The following DENND1B variants were observed in gnomAD, a reference collection of about 807,000 sequenced individuals.
DENND1B encodes the protein DENN domain-containing protein 1B.
A neutral mutation model predicts 90.1 loss-of-function variants in DENND1B; 59 were observed. The observed-to-expected ratio is 0.65, with a 90% confidence interval of 0.53 to 0.81. The LOEUF is 0.81. Ranked by LOEUF, DENND1B falls within the 40% of genes least tolerant of loss-of-function variation. The probability of loss-of-function intolerance (pLI) is 0.00; values close to 1 mark genes in which losing one functional copy is unlikely to be tolerated. For synonymous variants in DENND1B, 337 were observed against 324.6 expected (o/e 1.04, Z -0.41); for missense variants, 862 against 912.6 (o/e 0.94, Z 0.71).
chr1:197,633,512 G>A (rs1679517020), intron 10 of DENND1B, among the ~76,000 whole-genome samples: 1 of 152,124 alleles, frequency 6.6e-6, no homozygotes, highest in African/African-American at 2.4e-5. Flanking sequence ...CACTCTGCAG[G>A]CTCCTGCAAA....
At chr1:197,564,920 T>C (rs1036478296) in intron 15 of DENND1B, among the ~76,000 whole-genome samples, 15 of 151,988 alleles carry the variant, frequency 9.9e-5, no homozygotes, top group South Asian at 2.1e-4. Flanking sequence ...GGAGAAAAAG[T>C]ATCCTTTATC....
intron 2 of DENND1B, among the ~76,000 whole-genome samples, chr1:197,725,137 C>G (rs1661508451): frequency 1.3e-5 from 2 of 151,994 alleles, no homozygotes; most frequent in African/African-American, 4.8e-5. Context: ...TAAGCAAGAT[C>G]TCAAGACAGA....
intron 15 of DENND1B, among the ~76,000 whole-genome samples, chr1:197,557,905 T>TA (rs941228334): frequency 1.8e-4 from 28 of 151,950 alleles, no homozygotes; most frequent in Admixed American, 1.4e-3. Context: ...TTTGAACTAA[T>TA]AAAAAATCAT....
intron 18 of DENND1B, among the ~76,000 whole-genome samples, chr1:197,541,233 T>A (rs1375657263): frequency 6.6e-6 from 1 of 152,198 alleles, no homozygotes; most frequent in Admixed American, 6.5e-5. Context: ...CTTCTTTGTA[T>A]ACAAGTATCA....
chr1:197,542,471 T>A (rs543818833), intron 18 of DENND1B, among the ~76,000 whole-genome samples: 1 of 152,324 alleles, frequency 6.6e-6, no homozygotes, highest in East Asian at 1.9e-4. Context: ...GTAGGGACAG[T>A]ATCTCTTACT....
chr1:197,583,604 A>G (rs1674436094), intron 14 of DENND1B, among the ~76,000 whole-genome samples: 1 of 152,202 alleles, frequency 6.6e-6, no homozygotes, highest in South Asian at 2.1e-4. Flanking sequence ...TCCTGATTGG[A>G]AAACACTGTT....
chr1:197,525,814 A>G (rs1229233482), intron 20 of DENND1B, among the ~76,000 whole-genome samples: 1 of 152,084 alleles, frequency 6.6e-6, no homozygotes, highest in Non-Finnish European at 1.5e-5. Context: ...AAAGGTCTTA[A>G]CAGAAATTGC....
intron 3 of DENND1B, among the ~76,000 whole-genome samples, chr1:197,687,395 C>A (rs58353103): frequency 0.025 from 3,764 of 152,190 alleles, 154 homozygotes; most frequent in African/African-American, 0.085. Flanking sequence ...CCATTTGCAA[C>A]AACTGTTACT....
intron 15 of DENND1B, among the ~76,000 whole-genome samples, chr1:197,554,556 T>C (rs1296097828): frequency 6.6e-6 from 1 of 151,964 alleles, no homozygotes; most frequent in Non-Finnish European, 1.5e-5. Context: ...AGATAATTAA[T>C]AGGCTGGGCG....
chr1:197,580,503 G>T (rs1674134484), intron 15 of DENND1B, among the ~76,000 whole-genome samples: 1 of 152,040 alleles, frequency 6.6e-6, no homozygotes, highest in Non-Finnish European at 1.5e-5. Flanking sequence ...CTGGCTGAAG[G>T]TGATTTCCTG....
At chr1:197,586,755 G>A (rs192429565) in intron 14 of DENND1B, among the ~76,000 whole-genome samples, 4 of 152,272 alleles carry the variant, frequency 2.6e-5, no homozygotes, top group Admixed American at 2.0e-4. Context: ...AAAACAAGAC[G>A]GGGCAGAGGA....
At chr1:197,758,960 A>ATTTTTTTTTTTTTTTT (rs759108636) in intron 2 of DENND1B, among the ~76,000 whole-genome samples, 4 of 97,850 alleles carry the variant, frequency 4.1e-5, no homozygotes, top group African/African-American at 1.1e-4. Context: ...TACTTCATTA[A>ATTTTTTTTTTTTTTTT]TTTTTTTTTT....
intron 10 of DENND1B, among the ~76,000 whole-genome samples, chr1:197,636,321 G>A (rs895513286): frequency 5.3e-5 from 8 of 152,126 alleles, no homozygotes; most frequent in Admixed American, 2.6e-4. Context: ...GAGGAAAAAA[G>A]TCACTTCACT....
chr1:197,581,814 A>T (rs1674269580), intron 15 of DENND1B, among the ~76,000 whole-genome samples: 1 of 152,180 alleles, frequency 6.6e-6, no homozygotes, highest in Non-Finnish European at 1.5e-5. Context: ...ATATAATTTA[A>T]TCTTCACAAC....
chr1:197,670,948 G>A (rs1198847469), intron 5 of DENND1B, among the ~76,000 whole-genome samples: 1 of 151,924 alleles, frequency 6.6e-6, no homozygotes, highest in East Asian at 1.9e-4. Context: ...AGAGAATGGG[G>A]GCACATTCAC....
chr1:197,735,042 A>G, intron 2 of DENND1B: 1 of 985,294 alleles, frequency 1.0e-6, no homozygotes, highest in South Asian at 4.7e-5. Context: ...CTGTAGAAAA[A>G]GCGGACAAAA....
intron 16 of DENND1B, among the ~76,000 whole-genome samples, chr1:197,548,539 T>C (rs1357469270): frequency 6.6e-6 from 1 of 152,188 alleles, no homozygotes; most frequent in Non-Finnish European, 1.5e-5. Context: ...GTTATTACTA[T>C]AAATAATTTG....
At chr1:197,735,598 G>A (rs2102338079) in intron 2 of DENND1B, 1 of 1,614,130 alleles carries the variant, frequency 6.2e-7, no homozygotes, top group South Asian at 1.1e-5. Context: ...GAAAATACAG[G>A]TTGGGGCCAT....
At chr1:197,724,505 C>T (rs1188707165) in intron 2 of DENND1B, among the ~76,000 whole-genome samples, 3 of 152,088 alleles carry the variant, frequency 2.0e-5, no homozygotes, top group African/African-American at 7.2e-5. Context: ...GCACCTCAGG[C>T]ACATGACAAA....
Sources: gnomAD v4.1 joint callset for allele counts (sites outside exome capture counted in the v4.1 genomes callset) on GRCh38, gnomAD v4.1.1 for gene constraint, MANE v1.5 for transcripts, NCBI Gene and HGNC (gene_info 2026-07-23, HGNC 2026-07-21) for gene names.